Variants in SDK1 observed in about 807,000 individuals in gnomAD.
SDK1 encodes the protein protein sidekick-1.
SDK1 carries 157 observed loss-of-function variants against 245.5 expected under a neutral mutation model. The observed-to-expected ratio is 0.64, with a 90% CI of 0.56 to 0.73. The LOEUF is 0.73. Ranked by LOEUF, SDK1 falls within the 30% of genes least tolerant of loss-of-function variation. The probability of loss-of-function intolerance (pLI) is 0.00; values close to 1 mark genes in which losing one functional copy is unlikely to be tolerated. For synonymous variants in SDK1, 1,647 were observed against 1,278.5 expected (o/e 1.29, Z -6.15); for missense variants, 3,583 against 3,002.3 (o/e 1.19, Z -4.52).
At chr7:3,635,014 T>C (rs1468166950) in intron 2 of SDK1, among the ~76,000 whole-genome samples, 1 of 152,234 alleles carries the variant, frequency 6.6e-6, no homozygotes, top group African/African-American at 2.4e-5. Context: ...CATACTGCAA[T>C]TACTTGTGCT....
At chr7:3,811,322 C>T (rs894209028) in intron 4 of SDK1, among the ~76,000 whole-genome samples, 1 of 152,132 alleles carries the variant, frequency 6.6e-6, no homozygotes, top group East Asian at 1.9e-4. Context: ...CGTTAAGGGC[C>T]TCTCTATATT....
At chr7:3,904,850 G>A (rs1037623718) in intron 5 of SDK1, among the ~76,000 whole-genome samples, 15 of 151,938 alleles carry the variant, frequency 9.9e-5, no homozygotes, top group Non-Finnish European at 1.8e-4. Context: ...AAGATTAGCC[G>A]GGTGTGGTGG....
At chr7:4,060,493 T>G (rs1035047056) in intron 19 of SDK1, among the ~76,000 whole-genome samples, 1 of 151,990 alleles carries the variant, frequency 6.6e-6, no homozygotes, top group African/African-American at 2.4e-5. Flanking sequence ...GGGTTGTTTG[T>G]TTTTTTCTTG....
chr7:4,015,725 G>A (rs887980676), intron 16 of SDK1, among the ~76,000 whole-genome samples: 4 of 152,172 alleles, frequency 2.6e-5, no homozygotes, highest in African/African-American at 9.7e-5. Context: ...ACGGAATAAC[G>A]CTGTCCCTTC....
At chr7:3,584,151 C>T (rs568690794) in intron 1 of SDK1, among the ~76,000 whole-genome samples, 2 of 152,220 alleles carry the variant, frequency 1.3e-5, no homozygotes, top group East Asian at 1.9e-4. Context: ...AGATTCTGTG[C>T]TTATATGAAT....
chr7:4,230,535 G>A (rs1463841502), intron 40 of SDK1, among the ~76,000 whole-genome samples: 1 of 151,690 alleles, frequency 6.6e-6, no homozygotes, highest in Non-Finnish European at 1.5e-5. Context: ...TGGAAGGAAG[G>A]AAGGAAAAAT....
chr7:3,457,391 C>A (rs915434141), intron 1 of SDK1, among the ~76,000 whole-genome samples: 9 of 152,074 alleles, frequency 5.9e-5, no homozygotes, highest in African/African-American at 1.9e-4. Context: ...TGTGCCTTTC[C>A]CGAGCCAATC....
intron 1 of SDK1, among the ~76,000 whole-genome samples, chr7:3,572,120 C>T (rs1253485038): frequency 1.3e-5 from 2 of 152,036 alleles, no homozygotes; most frequent in East Asian, 1.9e-4. Context: ...ATATTTTATT[C>T]AACTCAACAA....
chr7:3,606,307 C>T (rs976476655), intron 1 of SDK1, among the ~76,000 whole-genome samples: 8 of 152,154 alleles, frequency 5.3e-5, no homozygotes, highest in South Asian at 2.1e-4. Flanking sequence ...ACCAAATGAC[C>T]GTCCTTTCTC....
At chr7:3,728,854 C>T (rs1192334290) in intron 4 of SDK1, among the ~76,000 whole-genome samples, 1 of 152,114 alleles carries the variant, frequency 6.6e-6, no homozygotes, top group African/African-American at 2.4e-5. Context: ...AACCCGCCCA[C>T]TTTGGCCTCC....
chr7:3,856,956 C>T (rs1252494509), intron 5 of SDK1, among the ~76,000 whole-genome samples: 3 of 151,962 alleles, frequency 2.0e-5, no homozygotes, highest in African/African-American at 4.8e-5. Context: ...AGGGATATTT[C>T]CTGCTGAAAA....
At chr7:3,333,640 C>T (rs1218682700) in intron 1 of SDK1, among the ~76,000 whole-genome samples, 1 of 152,174 alleles carries the variant, frequency 6.6e-6, no homozygotes, top group African/African-American at 2.4e-5. Context: ...TAACCTAGCA[C>T]AAACGCCCTA....
chr7:4,100,895 C>T (rs987798391), intron 22 of SDK1, among the ~76,000 whole-genome samples: 2 of 152,174 alleles, frequency 1.3e-5, no homozygotes, highest in South Asian at 2.1e-4. Flanking sequence ...GGACCCCAGA[C>T]TCATCTGCCC....
chr7:4,223,895 C>G (rs1349819177), intron 40 of SDK1, among the ~76,000 whole-genome samples: 1 of 152,150 alleles, frequency 6.6e-6, no homozygotes, highest in East Asian at 1.9e-4. Flanking sequence ...TTAGATGTGT[C>G]CTTACGTTGA....
intron 1 of SDK1, among the ~76,000 whole-genome samples, chr7:3,502,232 T>TA (rs199515167): frequency 0.014 from 2,093 of 151,952 alleles, 53 homozygotes; most frequent in African/African-American, 0.048. Context: ...GATTTTTTTT[T>TA]AATTAATTAA....
intron 35 of SDK1, among the ~76,000 whole-genome samples, chr7:4,205,530 C>A (rs1380833189): frequency 6.6e-6 from 1 of 152,168 alleles, no homozygotes; most frequent in Non-Finnish European, 1.5e-5. Context: ...ACGTGGATTA[C>A]GATCTCATAC....
chr7:4,161,883 T>A, intron 32 of SDK1, 27 bp downstream of exon 32: 1 of 1,599,476 alleles, frequency 6.3e-7, no homozygotes, highest in Non-Finnish European at 8.6e-7. Context: ...TCACGCGCGT[T>A]TTGTCAAATG....
chr7:4,256,340 G>T (rs1388702586), intron 44 of SDK1, among the ~76,000 whole-genome samples: 1 of 152,214 alleles, frequency 6.6e-6, no homozygotes, highest in Non-Finnish European at 1.5e-5. Flanking sequence ...GGCCTTCATG[G>T]CTAGTAACTC....
At chr7:3,806,859 T>C (rs1779262623) in intron 4 of SDK1, among the ~76,000 whole-genome samples, 1 of 152,180 alleles carries the variant, frequency 6.6e-6, no homozygotes, top group Non-Finnish European at 1.5e-5. Flanking sequence ...CCGTTTTTAT[T>C]TTTGTGTGGG....
Sources: allele counts gnomAD v4.1 joint callset (sites outside exome capture counted in the v4.1 genomes callset), GRCh38; gene constraint gnomAD v4.1.1; transcripts MANE v1.5; gene names NCBI Gene and HGNC (gene_info 2026-07-23, HGNC 2026-07-21).